Variants in SLC27A6 observed in about 807,000 individuals in gnomAD.
SLC27A6 encodes solute carrier family 27 member 6.
Under a neutral mutation model 63.9 loss-of-function variants are expected in SLC27A6, and 74 were observed. The ratio of observed to expected loss-of-function variants is 1.16; its 90% confidence interval spans 0.96 to 1.40. SLC27A6 has a LOEUF of 1.40. SLC27A6 is among the 40% of genes most tolerant of loss of function. The probability of loss-of-function intolerance (pLI) is 0.00; values close to 1 mark genes in which losing one functional copy is unlikely to be tolerated. For synonymous variants in SLC27A6, 287 were observed against 260.8 expected, an observed-to-expected ratio of 1.10 and a Z score of -0.97; for missense variants, 794 against 732.9, an observed-to-expected ratio of 1.08 and a Z score of -0.96.
intron 4 of SLC27A6, among the ~76,000 whole-genome samples, chr5:128,998,160 A>G (rs933135773): frequency 1.2e-4 from 18 of 150,146 alleles, no homozygotes; most frequent in Non-Finnish European, 2.5e-4. Flanking sequence ...GTGGTGATGT[A>G]TGCCATTAGT....
intron 7 of SLC27A6, among the ~76,000 whole-genome samples, chr5:129,028,142 T>G (rs1752304735): frequency 6.6e-6 from 1 of 152,118 alleles, no homozygotes; most frequent in Non-Finnish European, 1.5e-5. Context: ...AGATATAAAG[T>G]AATTTTGACT....
chr5:128,986,620 T>C (rs1363136980), intron 2 of SLC27A6, among the ~76,000 whole-genome samples: 2 of 152,064 alleles, frequency 1.3e-5, no homozygotes, highest in African/African-American at 4.8e-5. Context: ...AACTGAAAAG[T>C]GCTAATATGT....
intron 1 of SLC27A6, among the ~76,000 whole-genome samples, chr5:128,976,826 A>G (rs998111070): frequency 2.0e-5 from 3 of 152,236 alleles, no homozygotes; most frequent in African/African-American, 7.2e-5. Context: ...AAATACTATC[A>G]AATCTAAATT....
intron 1 of SLC27A6, among the ~76,000 whole-genome samples, chr5:128,980,684 A>T (rs929625640): frequency 3.3e-5 from 5 of 152,232 alleles, no homozygotes; most frequent in Non-Finnish European, 1.5e-5. Context: ...TTTCACTTTG[A>T]ATTCTAATGT....
intron 4 of SLC27A6, among the ~76,000 whole-genome samples, chr5:128,997,229 A>G (rs1404494454): frequency 2.0e-5 from 3 of 152,156 alleles, no homozygotes; most frequent in East Asian, 3.8e-4. Flanking sequence ...AATTCTCTGT[A>G]GCTTTCAAAA....
chr5:129,006,337 G>T (rs1225232264), intron 4 of SLC27A6, among the ~76,000 whole-genome samples: 1 of 151,712 alleles, frequency 6.6e-6, no homozygotes, highest in African/African-American at 2.4e-5. Context: ...TGATCTGCCC[G>T]CCTCGGTCTC....
At chr5:129,020,906 C>A (rs766340719) in intron 5 of SLC27A6, among the ~76,000 whole-genome samples, 9 of 152,008 alleles carry the variant, frequency 5.9e-5, no homozygotes, top group Non-Finnish European at 1.0e-4. Flanking sequence ...GGTGAAGCTT[C>A]CAGTTATGCT....
At chr5:128,980,741 C>A (rs1580707354) in intron 1 of SLC27A6, among the ~76,000 whole-genome samples, 1 of 152,138 alleles carries the variant, frequency 6.6e-6, no homozygotes, top group African/African-American at 2.4e-5. Flanking sequence ...TAGCTGAATA[C>A]CATATTAGGT....
rs1750238447 is a variant in SLC27A6 at position 128,972,983 on chromosome 5, A to G, written c.481+6365A>G. ...TGTCCTTTTTGTTGGTGTTGATGCT[A>G]TTCCTTTCTGTTTATTAGTTTTCCT... On this transcript the variant is annotated intron_variant, in intron 1 of 9. Transcript: ENST00000262462. Among the ~76,000 whole-genome samples the G allele has an allele frequency of 2.6e-5, 4 of 152,180 alleles. No homozygotes were observed. The South Asian group carries it at 8.3e-4, about 31-fold the overall frequency.
chr5:129,022,549 T>G (rs552143829), intron 5 of SLC27A6, among the ~76,000 whole-genome samples: 1 of 152,262 alleles, frequency 6.6e-6, no homozygotes, highest in African/African-American at 2.4e-5. Context: ...TTTCCCCCCA[T>G]TCATCTTTCC....
chr5:128,991,067 G>C (rs972751833), intron 4 of SLC27A6, among the ~76,000 whole-genome samples: 1 of 152,208 alleles, frequency 6.6e-6, no homozygotes, highest in South Asian at 2.1e-4. Flanking sequence ...AACGGGAGGC[G>C]ACCCAAAGCA....
intron 4 of SLC27A6, among the ~76,000 whole-genome samples, chr5:129,010,408 A>G (rs1440478000): frequency 2.0e-5 from 3 of 152,192 alleles, no homozygotes; most frequent in Non-Finnish European, 2.9e-5. Context: ...GATTTTGCAG[A>G]TGTGATTACA....
chr5:128,995,750 A>C (rs1478926280), intron 4 of SLC27A6, among the ~76,000 whole-genome samples: 1 of 152,202 alleles, frequency 6.6e-6, no homozygotes, highest in Non-Finnish European at 1.5e-5. Flanking sequence ...TCCATTGACT[A>C]GATCTTGTAG....
chr5:128,970,238 G>A (rs1004743139), intron 1 of SLC27A6, among the ~76,000 whole-genome samples: 1 of 151,638 alleles, frequency 6.6e-6, no homozygotes, highest in Non-Finnish European at 1.5e-5. Context: ...TTTTTGTTGT[G>A]TCTCTGCCAG....
intron 9 of SLC27A6, among the ~76,000 whole-genome samples, chr5:129,030,840 A>G (rs1023908160): frequency 5.3e-5 from 8 of 152,002 alleles, no homozygotes; most frequent in Non-Finnish European, 1.0e-4. Flanking sequence ...ATGTGTGCGT[A>G]TATTTTCTAT....
At chr5:128,969,109 C>T (rs146757005) in intron 1 of SLC27A6, among the ~76,000 whole-genome samples, 36,702 of 151,952 alleles carry the variant, frequency 0.24, 4,996 homozygotes, top group Middle Eastern at 0.33. Context: ...CTCTGTTCTG[C>T]TCCGTTGGTC....
chr5:128,987,599 G>A (rs1218463384), intron 2 of SLC27A6, among the ~76,000 whole-genome samples: 1 of 152,050 alleles, frequency 6.6e-6, no homozygotes, highest in Non-Finnish European at 1.5e-5. Flanking sequence ...ACAAAAAAGT[G>A]TCAATAATAT....
intron 3 of SLC27A6, 89 bp downstream of exon 3, chr5:128,988,847 AT>A: frequency 9.9e-7 from 1 of 1,012,264 alleles, no homozygotes; most frequent in Non-Finnish European, 1.5e-6. Context: ...TATCGGTAGA[AT>A]TTAGAGTGAT....
chr5:129,022,973 A>T (rs1245985861), intron 5 of SLC27A6, among the ~76,000 whole-genome samples: 1 of 152,124 alleles, frequency 6.6e-6, no homozygotes, highest in Non-Finnish European at 1.5e-5. Context: ...GAGAGGAGAC[A>T]TCCAATTTTT....
Sources: gnomAD v4.1 joint callset for allele counts (sites outside exome capture counted in the v4.1 genomes callset) on GRCh38, gnomAD v4.1.1 for gene constraint, MANE v1.5 for transcripts, NCBI Gene and HGNC (gene_info 2026-07-23, HGNC 2026-07-21) for gene names.